The following SPATA9 variants were observed in gnomAD, a reference collection of about 807,000 sequenced individuals.
The protein encoded by SPATA9 is spermatogenesis associated 9.
In SPATA9, 27 loss-of-function variants were observed where a neutral mutation model predicts 25.5. The observed-to-expected ratio is 1.06, with a 90% CI of 0.78 to 1.46. SPATA9 has a LOEUF of 1.46. SPATA9 is among the 40% of genes most tolerant of loss of function. The probability of loss-of-function intolerance (pLI) is 0.00; values close to 1 mark genes in which losing one functional copy is unlikely to be tolerated. For synonymous variants in SPATA9, 102 were observed against 105.7 expected (o/e 0.97, Z 0.21); for missense variants, 282 against 297.5 (o/e 0.95, Z 0.38).
At chr5:95,715,518 T>C in the SPATA9 span, among the ~76,000 whole-genome samples, 1 of 152,140 alleles carries the variant, frequency 6.6e-6, no homozygotes, top group Non-Finnish European at 1.5e-5. Flanking sequence ...AAAATGAAAT[T>C]CAAACAATAG....
the SPATA9 span, among the ~76,000 whole-genome samples, chr5:95,727,248 G>C: frequency 7.2e-5 from 11 of 152,038 alleles, no homozygotes. Flanking sequence ...TCCTCAAGCT[G>C]ATTTGAAGAT....
At chr5:95,683,666 T>C (rs952899074), upstream of SPATA9, among the ~76,000 whole-genome samples, 2 of 152,002 alleles carry the variant, frequency 1.3e-5, no homozygotes, top group Non-Finnish European at 2.9e-5. Flanking sequence ...GCCTCCCGAG[T>C]AGCTGGGACT....
intron 3 of SPATA9, chr5:95,674,761 A>T (rs1386505561): frequency 2.2e-6 from 1 of 456,328 alleles, no homozygotes; most frequent in East Asian, 6.9e-5. Context: ...TTTTTGGTTT[A>T]ACTCAATTGG....
chr5:95,711,947 G>T, the SPATA9 span, among the ~76,000 whole-genome samples: 1 of 152,160 alleles, frequency 6.6e-6, no homozygotes, highest in Non-Finnish European at 1.5e-5. Context: ...CTCCAAACTT[G>T]GGCCATTCTA....
At chr5:95,731,621 C>T in the SPATA9 span, 4 of 1,607,126 alleles carry the variant, frequency 2.5e-6, no homozygotes, top group South Asian at 4.4e-5. Flanking sequence ...GCCCGGGGGC[C>T]CCGCGAAGCC....
rs1750937943 is a variant in SPATA9, at chr5:95,658,548, T to C, written c.*75A>G. 6.7e-7 allele frequency: 1 copy of C among 1,493,022 alleles called. No homozygotes were observed. The highest frequency in any genetic ancestry group is 2.3e-5 in the East Asian group (1 of 43,202). 92.5% of individuals were successfully genotyped at this position (1,493,022 alleles called of 1,614,324 possible). Reference sequence around the variant, plus strand: ...GCAGAGCAATTCAGAATATGTAAACTAGACTCTGAGTTTTGTCAGATGAAA... The same window carrying C: ...GCAGAGCAATTCAGAATATGTAAACCAGACTCTGAGTTTTGTCAGATGAAA... On this transcript the variant is annotated 3_prime_UTR_variant, in exon 5 of 5. Transcript: ENST00000274432.
chr5:95,660,329 C>T (rs1751149561), intron 4 of SPATA9, among the ~76,000 whole-genome samples: 1 of 152,090 alleles, frequency 6.6e-6, no homozygotes. Flanking sequence ...TCCCAAAGGC[C>T]CCACTTGCTA....
intron 2 of SPATA9, among the ~76,000 whole-genome samples, chr5:95,681,852 T>C (rs555516311): frequency 4.6e-4 from 70 of 152,308 alleles, no homozygotes; most frequent in African/African-American, 1.7e-3. Flanking sequence ...ATTGTTCCTG[T>C]ACCATGTACC....
At chr5:95,705,291 C>T in the SPATA9 span, among the ~76,000 whole-genome samples, 1 of 152,006 alleles carries the variant, frequency 6.6e-6, no homozygotes, top group Non-Finnish European at 1.5e-5. Context: ...ATGACTTAAT[C>T]ACCTGCCAAA....
At chr5:95,696,612 C>G (rs1024156508) in intron 1 of SPATA9, among the ~76,000 whole-genome samples, 2 of 152,226 alleles carry the variant, frequency 1.3e-5, no homozygotes, top group African/African-American at 4.8e-5. Context: ...CACGGTGGCT[C>G]ATGCCTCTAA....
intron 4 of SPATA9, chr5:95,659,434 A>C (rs898656786): frequency 7.2e-5 from 11 of 152,722 alleles, no homozygotes; most frequent in African/African-American, 2.4e-4. Flanking sequence ...CTTTAAGGAG[A>C]GGAGTGTCAA....
intron 2 of SPATA9, among the ~76,000 whole-genome samples, chr5:95,678,910 G>A (rs1220752020): frequency 2.0e-5 from 3 of 152,188 alleles, no homozygotes; most frequent in Non-Finnish European, 2.9e-5. Flanking sequence ...AAAGGAAATA[G>A]TGGGAAAACA....
chr5:95,665,170 T>A (rs1414876084), intron 3 of SPATA9, among the ~76,000 whole-genome samples: 1 of 152,244 alleles, frequency 6.6e-6, no homozygotes, highest in Non-Finnish European at 1.5e-5. Flanking sequence ...GTAGTTAGCA[T>A]CTGTATCACA....
At chr5:95,664,882 A>C (rs1751609853) in intron 3 of SPATA9, among the ~76,000 whole-genome samples, 1 of 152,254 alleles carries the variant, frequency 6.6e-6, no homozygotes, top group Admixed American at 6.5e-5. Flanking sequence ...AAACATGCAC[A>C]TAATGTTCAT....
At chr5:95,702,990 A>G (rs1754213289), upstream of SPATA9, among the ~76,000 whole-genome samples, 1 of 152,256 alleles carries the variant, frequency 6.6e-6, no homozygotes, top group Non-Finnish European at 1.5e-5. Flanking sequence ...AATTTCCTAT[A>G]AAGTACCATT....
chr5:95,731,798 G>A, the SPATA9 span: 7 of 1,603,056 alleles, frequency 4.4e-6, no homozygotes, highest in African/African-American at 4.0e-5. Flanking sequence ...TTCCTGTTCC[G>A]AGGAGAGACC....
At chr5:95,671,408 A>G (rs1752355606) in intron 3 of SPATA9, among the ~76,000 whole-genome samples, 1 of 152,088 alleles carries the variant, frequency 6.6e-6, no homozygotes, top group Non-Finnish European at 1.5e-5. Context: ...CAGGTTTTCA[A>G]TAACTTTTTT....
chr5:95,672,662 A>G (rs553282172), intron 3 of SPATA9, among the ~76,000 whole-genome samples: 1 of 152,352 alleles, frequency 6.6e-6, no homozygotes, highest in East Asian at 1.9e-4. Context: ...TCCTGACCTT[A>G]CACAAGTCAC....
At chr5:95,693,688 CCT>C (rs1753944853) in intron 1 of SPATA9, among the ~76,000 whole-genome samples, 1 of 152,032 alleles carries the variant, frequency 6.6e-6, no homozygotes, top group Non-Finnish European at 1.5e-5. Context: ...TAAATATTCC[CCT>C]GATTAAAAAA....
Sources: gnomAD v4.1 joint callset for allele counts (sites outside exome capture counted in the v4.1 genomes callset) on GRCh38, gnomAD v4.1.1 for gene constraint, MANE v1.5 for transcripts, NCBI Gene and HGNC (gene_info 2026-07-23, HGNC 2026-07-21) for gene names.